The following CRYZL1 variants were observed in gnomAD, a reference collection of about 807,000 sequenced individuals.
CRYZL1 encodes ferry endosomal RAB5 effector complex subunit 4.
A neutral mutation model predicts 50.6 loss-of-function variants in CRYZL1; 34 were observed. The observed-to-expected ratio is 0.67, with a 90% confidence interval of 0.51 to 0.89. CRYZL1 has a LOEUF of 0.89. Among genes scored for constraint, CRYZL1 ranks in the 40% least tolerant of loss-of-function variants. The pLI is 0.00. For synonymous variants in CRYZL1, 125 were observed against 134.3 expected, an observed-to-expected ratio of 0.93 and a Z score of 0.48; for missense variants, 354 against 402.3, an observed-to-expected ratio of 0.88 and a Z score of 1.03.
chr21:33,606,134 A>G (rs1226381226), intron 6 of CRYZL1, among the ~76,000 whole-genome samples: 1 of 152,196 alleles, frequency 6.6e-6, no homozygotes, highest in Non-Finnish European at 1.5e-5. Flanking sequence ...TTTACGGATG[A>G]TGAAATAGGG....
chr21:33,608,747 A>G (rs1260003420), intron 6 of CRYZL1, among the ~76,000 whole-genome samples: 1 of 152,200 alleles, frequency 6.6e-6, no homozygotes, highest in Non-Finnish European at 1.5e-5. Context: ...GTGTATATCT[A>G]TATCATATTA....
chr21:33,620,631 T>C (rs1385898209), intron 4 of CRYZL1, among the ~76,000 whole-genome samples: 1 of 151,218 alleles, frequency 6.6e-6, no homozygotes, highest in Non-Finnish European at 1.5e-5. Flanking sequence ...GCCAACATGG[T>C]GAAACCCCGT....
chr21:33,609,894 G>A (rs928392091), intron 6 of CRYZL1, among the ~76,000 whole-genome samples: 1 of 151,542 alleles, frequency 6.6e-6, no homozygotes, highest in African/African-American at 2.4e-5. Flanking sequence ...TTAGTAGAGA[G>A]GGGGTTTCAC....
At chr21:33,624,502 T>C (rs1328323506) in intron 3 of CRYZL1, among the ~76,000 whole-genome samples, 181 bp downstream of exon 3, 1 of 152,262 alleles carries the variant, frequency 6.6e-6, no homozygotes, top group East Asian at 1.9e-4. Flanking sequence ...TGAGCTGAGA[T>C]TGCACCACTG....
At position 33,635,777 on chromosome 21, in the gene CRYZL1, T is replaced by C. The variant is rs559021088; in HGVS notation, c.-6-4220A>G. On this transcript the variant is annotated intron_variant, in intron 1 of 12. Transcript: ENST00000381554. ...GCGGGTGGATCATGAGGTCAATAGA[T>C]ACAGACCATCCTGGCCAAGATGGTG... 3.4e-4 allele frequency among the ~76,000 whole-genome samples: 52 copies of C among 152,016 alleles called. 1 individual carries two copies. The South Asian group carries it at 0.01, about 30-fold the overall frequency.
chr21:33,611,011 A>G (rs2086867666), intron 6 of CRYZL1, among the ~76,000 whole-genome samples: 1 of 152,120 alleles, frequency 6.6e-6, no homozygotes, highest in Non-Finnish European at 1.5e-5. Context: ...GATTACAGGC[A>G]TGAGCCACCG....
chr21:33,634,901 AT>A (rs1568800856), intron 1 of CRYZL1, among the ~76,000 whole-genome samples: 12 of 150,110 alleles, frequency 8.0e-5, no homozygotes, highest in Non-Finnish European at 1.5e-4. Context: ...ATATATATAT[AT>A]ATAAAATAAT....
chr21:33,598,702 A>C (rs1033039628), intron 9 of CRYZL1, among the ~76,000 whole-genome samples: 1 of 152,066 alleles, frequency 6.6e-6, no homozygotes, highest in African/African-American at 2.4e-5. Flanking sequence ...TGTTACTCTA[A>C]TGTCTACACC....
chr21:33,613,913 C>T (rs1452617896), intron 5 of CRYZL1, among the ~76,000 whole-genome samples: 2 of 152,102 alleles, frequency 1.3e-5, no homozygotes, highest in Non-Finnish European at 2.9e-5. Context: ...TGGCTCACGC[C>T]TGTAATCCCA....
chr21:33,597,963 C>G lies in CRYZL1; in HGVS notation c.677-562G>C, dbSNP rs184099628. 1.7e-3 allele frequency among the ~76,000 whole-genome samples: 265 copies of G among 152,224 alleles called. 1 individual carries two copies. The highest frequency in any genetic ancestry group is 5.1e-4 in the Non-Finnish European group (35 of 68,012). ...GAGGAAATATTTTTCTTAGAAAAAGCAACACACAATGTATTCTGATACCTT... is the reference window on the plus strand; with the variant it reads ...GAGGAAATATTTTTCTTAGAAAAAGGAACACACAATGTATTCTGATACCTT... On this transcript the variant is annotated intron_variant, in intron 9 of 12. Transcript: ENST00000381554.
chr21:33,616,076 C>A (rs899313523), intron 5 of CRYZL1, among the ~76,000 whole-genome samples: 2 of 148,094 alleles, frequency 1.4e-5, no homozygotes, highest in Non-Finnish European at 3.0e-5. Context: ...TGCTATCCCT[C>A]CCCCCCCCAA....
intron 7 of CRYZL1, chr21:33,603,193 G>T: frequency 1.9e-6 from 1 of 517,650 alleles, no homozygotes; most frequent in Non-Finnish European, 3.4e-6. Flanking sequence ...TAATGTACCA[G>T]CAGATTCAAA....
chr21:33,590,718 C>T (rs1258587103), intron 12 of CRYZL1, among the ~76,000 whole-genome samples: 1 of 152,238 alleles, frequency 6.6e-6, no homozygotes, highest in Non-Finnish European at 1.5e-5. Flanking sequence ...GCCTGGCCTA[C>T]TCCCTCTTTT....
At chr21:33,598,806 GTTTTT>G (rs775141021) in intron 9 of CRYZL1, among the ~76,000 whole-genome samples, 2 of 125,700 alleles carry the variant, frequency 1.6e-5, no homozygotes. Flanking sequence ...ACATTTTTGA[GTTTTT>G]TTTTTTTTTT....
At chr21:33,615,947 ATACTT>A (rs923153503) in intron 5 of CRYZL1, among the ~76,000 whole-genome samples, 2 of 152,172 alleles carry the variant, frequency 1.3e-5, no homozygotes, top group African/African-American at 4.8e-5. Context: ...ATTTTTTATT[ATACTT>A]TAAGTTTTAG....
chr21:33,632,229 G>A (rs2087146642), intron 1 of CRYZL1, among the ~76,000 whole-genome samples: 2 of 151,442 alleles, frequency 1.3e-5, no homozygotes, highest in South Asian at 2.1e-4. Flanking sequence ...CTACTCAAGA[G>A]GCTGAGACAG....
chr21:33,625,671 C>T (rs990027864), intron 2 of CRYZL1, among the ~76,000 whole-genome samples: 1 of 151,454 alleles, frequency 6.6e-6, no homozygotes, highest in African/African-American at 2.4e-5. Context: ...TTTTGTAGGG[C>T]TGGGGTATTG....
chr21:33,591,367 T>C, intron 11 of CRYZL1, 160 bp from the exon 12 acceptor site: 1 of 640,772 alleles, frequency 1.6e-6, no homozygotes, highest in Non-Finnish European at 2.8e-6. Context: ...ACGTCAAGTT[T>C]AGCTCTACAA....
rs758470228 is a variant in CRYZL1, at chr21:33,602,219, C to T, written c.577+15G>A. Reference sequence around the variant, plus strand: ...AATTTCCTGTTTTAAAGTCTGTGCTCATAATATTACCCACCTATGGGAGGT... The same window carrying T: ...AATTTCCTGTTTTAAAGTCTGTGCTTATAATATTACCCACCTATGGGAGGT... On this transcript the variant is annotated intron_variant, in intron 8 of 12. Transcript: ENST00000381554. The T allele has an allele frequency of 1.5e-6, 2 of 1,334,754 alleles. No homozygotes were observed. Among genetic ancestry groups the T allele is most frequent in the South Asian group, 1.2e-5 (1 of 84,334 alleles). The allele number at this position is 1,334,754 out of a possible 1,614,324, so 82.7% of individuals were successfully genotyped here. A position where few individuals can be genotyped will look rare whatever the true frequency, so the allele number is the denominator to read the frequency against.
Sources: allele counts gnomAD v4.1 joint callset (sites outside exome capture counted in the v4.1 genomes callset), GRCh38; gene constraint gnomAD v4.1.1; transcripts MANE v1.5; gene names NCBI Gene and HGNC (gene_info 2026-07-23, HGNC 2026-07-21).